Variants in SLC4A10 observed in about 807,000 individuals in gnomAD.
The protein encoded by SLC4A10 is solute carrier family 4 member 10.
In SLC4A10, 42 loss-of-function variants were observed where a neutral mutation model predicts 137.7. The ratio of observed to expected loss-of-function variants is 0.30; its 90% CI spans 0.24 to 0.39. The LOEUF (loss-of-function observed/expected upper bound fraction) is 0.39. Ranked by LOEUF, SLC4A10 falls within the 10% of genes least tolerant of loss-of-function variation. The pLI, the probability that SLC4A10 is intolerant of heterozygous loss-of-function variation, is 1.00. For missense variants in SLC4A10, 925 were observed against 1,355.0 expected (o/e 0.68, Z 4.98); for synonymous variants, 474 against 464.1 (o/e 1.02, Z -0.27).
intron 4 of SLC4A10, among the ~76,000 whole-genome samples, chr2:161,852,047 A>C (rs564567330): frequency 5.9e-4 from 89 of 152,042 alleles, no homozygotes; most frequent in Admixed American, 5.5e-3. Context: ...TCACCTCTAC[A>C]CCTGGTTAAC....
chr2:161,941,273 G>A (rs1246071373), intron 15 of SLC4A10, among the ~76,000 whole-genome samples: 1 of 152,050 alleles, frequency 6.6e-6, no homozygotes, highest in Non-Finnish European at 1.5e-5. Flanking sequence ...CTACTGAGGA[G>A]AGCTTTATTT....
intron 3 of SLC4A10, among the ~76,000 whole-genome samples, chr2:161,821,506 A>G (rs2057617193): frequency 6.6e-6 from 1 of 152,188 alleles, no homozygotes; most frequent in Non-Finnish European, 1.5e-5. Context: ...GCTCACACCT[A>G]TAAACCCAGT....
chr2:161,686,187 G>A (rs1281914092), intron 1 of SLC4A10, among the ~76,000 whole-genome samples: 1 of 152,136 alleles, frequency 6.6e-6, no homozygotes, highest in Non-Finnish European at 1.5e-5. Context: ...GATATTTTTA[G>A]TATATAAACC....
At chr2:161,799,209 TAA>T (rs2055111852) in intron 2 of SLC4A10, among the ~76,000 whole-genome samples, 1 of 151,818 alleles carries the variant, frequency 6.6e-6, no homozygotes, top group South Asian at 2.1e-4. Context: ...CTCCTTTAAT[TAA>T]ATTTTTGGCC....
chr2:161,854,037 A>T (rs1168577390), intron 4 of SLC4A10, among the ~76,000 whole-genome samples: 3 of 152,156 alleles, frequency 2.0e-5, no homozygotes, highest in African/African-American at 7.2e-5. Context: ...AATATAGAGG[A>T]TTTGAATGAT....
chr2:161,794,958 T>C (rs1331147262), intron 2 of SLC4A10, among the ~76,000 whole-genome samples: 3 of 151,548 alleles, frequency 2.0e-5, no homozygotes, highest in Admixed American at 1.3e-4. Flanking sequence ...ATCAAAAGTG[T>C]CCTGCAAAAA....
At chr2:161,962,908 T>C (rs1374695317) in intron 21 of SLC4A10, among the ~76,000 whole-genome samples, 2 of 152,192 alleles carry the variant, frequency 1.3e-5, no homozygotes, top group African/African-American at 4.8e-5. Flanking sequence ...ACACATTTGA[T>C]GAGAATTGCC....
chr2:161,674,261 C>A (rs1158106642), intron 1 of SLC4A10, among the ~76,000 whole-genome samples: 1 of 152,134 alleles, frequency 6.6e-6, no homozygotes, highest in African/African-American at 2.4e-5. Context: ...TCTCTCTGAA[C>A]TACAGTGTCT....
Position 161,839,908 on chromosome 2 carries a change from G to A in SLC4A10, c.397G>A (p.Glu133Lys). The change falls in exon 4 of 27, where the codon GAG (glutamate) becomes AAG (lysine). Residue 133 changes from glutamate to lysine, a missense_variant. Around this residue, in one of 11 missense-constraint regions of SLC4A10, gnomAD observed 138 missense variants for 171.3 expected, o/e 0.81. Coordinates refer to ENST00000446997, the MANE Select transcript of SLC4A10 (RefSeq NM_001178015.2). ...TTGTTGGCGTGAAGGTGAGGACGCT[G>A]AGTGGCGAGAAACAGCCAGGTGAGG... Reference protein sequence around the residue: ...EICWREGEDAEWRETARWLKF... With the variant: ...EICWREGEDAKWRETARWLKF... 6.2e-7 allele frequency: 1 copy of A among 1,613,888 alleles called. No individual in the cohort carries two copies.
intron 2 of SLC4A10, among the ~76,000 whole-genome samples, chr2:161,776,132 G>C (rs2052301393): frequency 6.6e-6 from 1 of 151,848 alleles, no homozygotes; most frequent in Non-Finnish European, 1.5e-5. Context: ...CACCCTCTAG[G>C]ATGTGGCAAG....
chr2:161,766,832 TA>T lies in SLC4A10; in HGVS notation c.49-4136del, dbSNP rs1293626803. Reference sequence around the variant, plus strand: ...GTGAATCCTGTTTTATTTTCATTTTTAAAAATTTTTTTCCATTCATACATTT... The same window carrying T: ...GTGAATCCTGTTTTATTTTCATTTTTAAAATTTTTTTCCATTCATACATTT... On this transcript the variant is annotated intron_variant, in intron 1 of 26. Transcript: ENST00000446997. Among the ~76,000 whole-genome samples the T allele has an allele frequency of 3.3e-5, 5 of 151,778 alleles. No homozygotes were observed. In the East Asian group the frequency reaches 7.8e-4, roughly 24 times the overall value.
chr2:161,869,173 T>G (rs1274317646), intron 6 of SLC4A10, among the ~76,000 whole-genome samples: 1 of 151,612 alleles, frequency 6.6e-6, no homozygotes, highest in African/African-American at 2.4e-5. Flanking sequence ...TTAGGAAAAT[T>G]TTTACTTCTG....
intron 15 of SLC4A10, among the ~76,000 whole-genome samples, chr2:161,911,706 A>G (rs1685896233): frequency 6.6e-6 from 1 of 152,090 alleles, no homozygotes; most frequent in South Asian, 2.1e-4. Context: ...AGATCTATGT[A>G]CCTACTGTAC....
At chr2:161,823,392 T>A (rs1396594290) in intron 3 of SLC4A10, among the ~76,000 whole-genome samples, 1 of 152,236 alleles carries the variant, frequency 6.6e-6, no homozygotes, top group Non-Finnish European at 1.5e-5. Flanking sequence ...CACCTTGTGA[T>A]GCTAATCACG....
intron 15 of SLC4A10, among the ~76,000 whole-genome samples, chr2:161,914,084 T>G (rs1342388496): frequency 1.3e-5 from 2 of 152,200 alleles, no homozygotes; most frequent in African/African-American, 4.8e-5. Context: ...AATTAATATG[T>G]TAATCACCCT....
At chr2:161,959,582 T>C (rs1447505299) in intron 21 of SLC4A10, among the ~76,000 whole-genome samples, 1 of 152,178 alleles carries the variant, frequency 6.6e-6, no homozygotes, top group East Asian at 1.9e-4. Context: ...CCATGGAATG[T>C]GACTCCTTCA....
rs560760354 is a variant in SLC4A10 at position 161,869,439 on chromosome 2, A to T, written c.767-2854A>T. On this transcript the variant is annotated intron_variant, in intron 6 of 26. Coordinates refer to ENST00000446997, the MANE Select transcript of SLC4A10 (RefSeq NM_001178015.2). ...AAACAATGATTACAATTGATAATAG[A>T]ACTATAAAATCATTTTTAATTTATG... Among the ~76,000 whole-genome samples the T allele has an allele frequency of 5.3e-4, 81 of 151,792 alleles. 2 individuals carry two copies. In the South Asian group the frequency reaches 0.015, roughly 29 times the overall value.
At chr2:161,739,732 G>T (rs2125237113) in intron 1 of SLC4A10, among the ~76,000 whole-genome samples, 1 of 152,304 alleles carries the variant, frequency 6.6e-6, no homozygotes, top group Non-Finnish European at 1.5e-5. Context: ...CTGGCAGACA[G>T]AACAGTTCTT....
chr2:161,870,414 G>T (rs1321359638), intron 6 of SLC4A10, among the ~76,000 whole-genome samples: 1 of 151,644 alleles, frequency 6.6e-6, no homozygotes, highest in African/African-American at 2.4e-5. Context: ...CTAAATAATT[G>T]TTCTTCCATG....
Sources: gnomAD v4.1 joint callset for allele counts (sites outside exome capture counted in the v4.1 genomes callset) on GRCh38, gnomAD v4.1.1 for gene constraint, gnomAD v4.1.1 regional missense constraint, MANE v1.5 for transcripts, NCBI Gene and HGNC (gene_info 2026-07-23, HGNC 2026-07-21) for gene names.